HIPK2: variants seen among roughly 807,000 people sequenced by gnomAD.
The protein encoded by HIPK2 is homeodomain interacting protein kinase 2.
A neutral mutation model predicts 113.7 loss-of-function variants in HIPK2; 27 were observed. The observed-to-expected ratio is 0.24, with a 90% confidence interval of 0.17 to 0.33. The LOEUF is 0.33. Among genes scored for constraint, HIPK2 ranks in the 10% least tolerant of loss-of-function variants. The pLI, the probability that HIPK2 is intolerant of heterozygous loss-of-function variation, is 1.00. For missense variants in HIPK2, 1,257 were observed against 1,588.0 expected, an observed-to-expected ratio of 0.79 and a Z score of 3.54; for synonymous variants, 631 against 642.2, an observed-to-expected ratio of 0.98 and a Z score of 0.26.
chr7:139,641,821 G>A (rs371154240), intron 2 of HIPK2, among the ~76,000 whole-genome samples: 1 of 152,210 alleles, frequency 6.6e-6, no homozygotes, highest in South Asian at 2.1e-4. Flanking sequence ...CAAGGGCAGG[G>A]TTCACTGCCA....
At chr7:139,708,743 G>A (rs567138520) in intron 2 of HIPK2, among the ~76,000 whole-genome samples, 27 of 152,316 alleles carry the variant, frequency 1.8e-4, no homozygotes, top group South Asian at 8.3e-4. Context: ...TGCTTGCTGC[G>A]TGTGCCTTGT....
At chr7:139,576,348 C>T (rs1019716391) in intron 13 of HIPK2, among the ~76,000 whole-genome samples, 2 of 152,230 alleles carry the variant, frequency 1.3e-5, no homozygotes. Flanking sequence ...GTAATTCCTG[C>T]ATCTTGTTCA....
intron 9 of HIPK2, among the ~76,000 whole-genome samples, chr7:139,608,132 T>C (rs1217197127): frequency 6.6e-6 from 1 of 151,670 alleles, no homozygotes; most frequent in African/African-American, 2.4e-5. Context: ...TAATCCCAGC[T>C]ACTCGGGAGG....
Position 139,568,249 on chromosome 7 carries a change from C to T in HIPK2, c.*4678G>A, listed in dbSNP as rs564295814. ...AGCTGGCTCCCCCAGCCCGTGAACA[C>T]CTCAGCCACCAGGAAGACTAGAAAG... On this transcript the variant is annotated 3_prime_UTR_variant, in exon 15 of 15. Coordinates refer to ENST00000406875, the MANE Select transcript of HIPK2 (RefSeq NM_022740.5). The T allele has an allele frequency of 6.6e-6, 1 of 152,484 alleles. No homozygotes were observed. Among genetic ancestry groups the T allele is most frequent in the South Asian group, 2.1e-4 (1 of 4,830 alleles). 9.4% of individuals were successfully genotyped at this position (152,484 alleles called of 1,614,324 possible). A position where few individuals can be genotyped will look rare whatever the true frequency, so the allele number is the denominator to read the frequency against.
intron 1 of HIPK2, among the ~76,000 whole-genome samples, chr7:139,772,655 T>G (rs1305144926): frequency 6.6e-6 from 1 of 151,988 alleles, no homozygotes; most frequent in Non-Finnish European, 1.5e-5. Context: ...TGGCACAATC[T>G]CAGCTGACTG....
At position 139,565,913 on chromosome 7, in the gene HIPK2, T is replaced by C. The variant is rs1017019984; in HGVS notation, c.*7014A>G. Reference sequence around the variant, plus strand: ...GCATTTTGAAAAAAATATATACCTTTAGTATTGCCTTTCTAGAATTAACTA... The same window carrying C: ...GCATTTTGAAAAAAATATATACCTTCAGTATTGCCTTTCTAGAATTAACTA... On this transcript the variant is annotated 3_prime_UTR_variant, in exon 15 of 15. Coordinates refer to ENST00000406875, the MANE Select transcript of HIPK2 (RefSeq NM_022740.5). The C allele has an allele frequency of 6.6e-6, 1 of 152,160 alleles. No homozygotes were observed. The highest frequency in any genetic ancestry group is 1.5e-5 in the Non-Finnish European group (1 of 68,022). 9.4% of individuals were successfully genotyped at this position (152,160 alleles called of 1,614,324 possible). A position where few individuals can be genotyped will look rare whatever the true frequency, so the allele number is the denominator to read the frequency against.
In HIPK2 at chr7:139,604,089, C is replaced by T. The variant is rs368945182; in HGVS notation, c.2247G>A (p.Ala749=). 44 of 1,613,898 alleles carry T rather than the reference C, an allele frequency of 2.7e-5. No individual in the cohort carries two copies. The highest frequency in any genetic ancestry group is 2.3e-4 in the African/African-American group (17 of 75,044). The change falls in exon 10 of 15, where the codon GCG becomes GCA. Residue 749 remains alanine, a synonymous_variant. Coordinates refer to ENST00000406875, the MANE Select transcript of HIPK2 (RefSeq NM_022740.5). ...PETMAGTQQL[A]DWRNTHAHGS... is the part of the protein sequence containing the mutation. ...AGGGGTTTCCTGCTTACCTCCAGTCCGCCAGCTGCTGGGTGCCTGCCATGG... is the reference window on the plus strand; with the variant it reads ...AGGGGTTTCCTGCTTACCTCCAGTCTGCCAGCTGCTGGGTGCCTGCCATGG...
chr7:139,609,334 C>T (rs1185038747), intron 9 of HIPK2, among the ~76,000 whole-genome samples: 1 of 152,182 alleles, frequency 6.6e-6, no homozygotes, highest in Non-Finnish European at 1.5e-5. Flanking sequence ...ATGCACACAT[C>T]CTCTGGGTGC....
At position 139,590,783 on chromosome 7, in the gene HIPK2, T is replaced by TA. The variant is rs1458463152; in HGVS notation, c.2717+5933dup. ...TGCTCCTTCCTGATAGCTGCTGACT[T>TA]AGAGTCATTAGAGAGAAAAAAAAAA... On this transcript the variant is annotated intron_variant, in intron 12 of 14. Coordinates refer to ENST00000406875, the MANE Select transcript of HIPK2 (RefSeq NM_022740.5). 6.6e-5 allele frequency among the ~76,000 whole-genome samples: 10 copies of TA among 152,116 alleles called. 1 individual carries two copies. Among genetic ancestry groups the TA allele is most frequent in the Admixed American group, 4.6e-4 (7 of 15,268 alleles).
chr7:139,600,835 A>G lies in HIPK2; in HGVS notation c.2256-239T>C, dbSNP rs112701353. ...AGAAAGAGGACTTTCAAGTGGGAAG[A>G]ATGCCAAGTACACCGGCTCCAAGTT... is the stretch of plus-strand genomic sequence containing the variant. On this transcript the variant is annotated intron_variant, in intron 10 of 14. Transcript: ENST00000406875. 4.9e-3 allele frequency among the ~76,000 whole-genome samples: 743 copies of G among 152,330 alleles called. 4 individuals carry two copies. Among genetic ancestry groups the G allele is most frequent in the African/African-American group, 0.017 (690 of 41,558 alleles).
In HIPK2 at chr7:139,564,391, T is replaced by C. The variant is rs1815137667; in HGVS notation, c.*8536A>G. Reference sequence around the variant, plus strand: ...TGGTGCCTGGAAATCAGTGGATCTATTAATAAGTTAAATATTCAAATCAAG... The same window carrying C: ...TGGTGCCTGGAAATCAGTGGATCTACTAATAAGTTAAATATTCAAATCAAG... On this transcript the variant is annotated 3_prime_UTR_variant, in exon 15 of 15. Coordinates refer to ENST00000406875, the MANE Select transcript of HIPK2 (RefSeq NM_022740.5). 1 of 155,138 alleles carries C rather than the reference T, an allele frequency of 6.4e-6. No homozygotes were observed. Among genetic ancestry groups the C allele is most frequent in the African/African-American group, 2.4e-5 (1 of 41,546 alleles). The allele number at this position is 155,138 out of a possible 1,614,324, so 9.6% of individuals were successfully genotyped here.
intron 1 of HIPK2, among the ~76,000 whole-genome samples, chr7:139,772,221 C>A (rs1264644922): frequency 6.6e-6 from 1 of 152,094 alleles, no homozygotes; most frequent in East Asian, 1.9e-4. Context: ...CGATCTATAT[C>A]CCCACCACCA....
At chr7:139,674,866 T>G (rs1346959093) in intron 2 of HIPK2, among the ~76,000 whole-genome samples, 1 of 152,210 alleles carries the variant, frequency 6.6e-6, no homozygotes, top group African/African-American at 2.4e-5. Flanking sequence ...GTGCCACATA[T>G]GGACTGGAGG....
intron 2 of HIPK2, among the ~76,000 whole-genome samples, chr7:139,699,779 C>T (rs1200714945): frequency 1.3e-5 from 2 of 152,194 alleles, no homozygotes. Flanking sequence ...TCCAGGCTGC[C>T]CCAGGTCTGA....
In HIPK2 at chr7:139,653,938, T is replaced by G. The variant is rs573943222; in HGVS notation, c.1104-22213A>C. On this transcript the variant is annotated intron_variant, in intron 2 of 14. Coordinates refer to ENST00000406875, the MANE Select transcript of HIPK2 (RefSeq NM_022740.5). ...AGTAGAGACGAGGTTTCACCATCTT[T>G]GCCAGGCTGGTCTCAAACTCCTGAC... Among the ~76,000 whole-genome samples the G allele has an allele frequency of 2.3e-3, 354 of 152,112 alleles. 1 individual carries two copies. The highest frequency in any genetic ancestry group is 7.8e-3 in the African/African-American group (324 of 41,518).
chr7:139,676,790 G>T (rs1450464273), intron 2 of HIPK2, among the ~76,000 whole-genome samples: 1 of 151,858 alleles, frequency 6.6e-6, no homozygotes, highest in African/African-American at 2.4e-5. Flanking sequence ...GAATTAAACT[G>T]AAATTAATAG....
intron 1 of HIPK2, among the ~76,000 whole-genome samples, chr7:139,762,638 T>G (rs1796485347): frequency 6.6e-6 from 1 of 152,250 alleles, no homozygotes; most frequent in South Asian, 2.1e-4. Context: ...GAAGATATAC[T>G]ATACACTCTA....
Position 139,776,410 on chromosome 7 carries a change from C to A in HIPK2, c.19+1195G>T, listed in dbSNP as rs545469266. Among the ~76,000 whole-genome samples the A allele has an allele frequency of 1.3e-3, 194 of 146,534 alleles. 2 individuals are homozygous for A. The highest frequency in any genetic ancestry group is 5.0e-3 in the African/African-American group (189 of 37,794). On this transcript the variant is annotated intron_variant, in intron 1 of 14. Coordinates refer to ENST00000406875, the MANE Select transcript of HIPK2 (RefSeq NM_022740.5). ...AGCCCTGAAACTAATAACAGATTTT[C>A]TTTTAAGTTTTTTTTTTTTTAATCA...
At chr7:139,574,483 G>T (rs1166730701) in intron 14 of HIPK2, among the ~76,000 whole-genome samples, 13 of 152,204 alleles carry the variant, frequency 8.5e-5, no homozygotes, top group African/African-American at 2.4e-5. Context: ...CAGAGACACG[G>T]GCTCCACTGA....
Sources: gnomAD v4.1 joint callset for allele counts (sites outside exome capture counted in the v4.1 genomes callset) on GRCh38, gnomAD v4.1.1 for gene constraint, MANE v1.5 for transcripts, NCBI Gene and HGNC (gene_info 2026-07-23, HGNC 2026-07-21) for gene names.